The following NRXN3 variants were observed in gnomAD, a reference collection of about 807,000 sequenced individuals.
NRXN3 encodes neurexin 3, also known as neurexin III.
Under a neutral mutation model 137.6 loss-of-function variants are expected in NRXN3, and 32 were observed. The observed-to-expected ratio is 0.23, with a 90% confidence interval of 0.18 to 0.31. The LOEUF (loss-of-function observed/expected upper bound fraction) is 0.31, where lower values mean the gene tolerates loss of function less well. Among genes scored for constraint, NRXN3 ranks in the 10% least tolerant of loss-of-function variants. The pLI, the probability that NRXN3 is intolerant of heterozygous loss-of-function variation, is 1.00. For synonymous variants in NRXN3, 798 were observed against 784.5 expected (o/e 1.02, Z -0.29); for missense variants, 1,574 against 2,062.5 (o/e 0.76, Z 4.59).
In NRXN3 at chr14:79,696,608, C is replaced by A. The variant is rs189865337; in HGVS notation, c.3707-1022C>A. Among the ~76,000 whole-genome samples, 1,311 of 151,938 alleles carry A rather than the reference C, an allele frequency of 8.6e-3. 19 individuals are homozygous for A. Among genetic ancestry groups the A allele is most frequent in the Middle Eastern group, 0.024 (7 of 294 alleles). Reference sequence around the variant, plus strand: ...GTTTGCTTGGGAAAAAAATCTCATACTTGAGAGTTTTATAAGTAGAAAGAG... The same window carrying A: ...GTTTGCTTGGGAAAAAAATCTCATAATTGAGAGTTTTATAAGTAGAAAGAG... On this transcript the variant is annotated intron_variant, in intron 18 of 20. Coordinates refer to ENST00000335750, the MANE Select transcript of NRXN3 (RefSeq NM_001330195.2).
intron 15 of NRXN3, among the ~76,000 whole-genome samples, chr14:79,257,510 AGTG>A (rs2076883760): frequency 1.0e-4 from 1 of 9,542 alleles, no homozygotes. Flanking sequence ...TGGTGGTGGT[AGTG>A]ATGGTGGTGG....
intron 4 of NRXN3, among the ~76,000 whole-genome samples, chr14:78,568,511 C>T (rs981535146): frequency 6.6e-6 from 1 of 152,188 alleles, no homozygotes; most frequent in Non-Finnish European, 1.5e-5. Flanking sequence ...CAGTTTATAG[C>T]TGGAACTGGA....
chr14:79,220,673 A>T (rs536509157), intron 15 of NRXN3, among the ~76,000 whole-genome samples: 86 of 152,168 alleles, frequency 5.7e-4, no homozygotes, highest in African/African-American at 2.0e-3. Flanking sequence ...TTAGAATCAT[A>T]TGGTATGTAG....
At chr14:78,975,479 GAC>G (rs2099461791) in intron 14 of NRXN3, among the ~76,000 whole-genome samples, 1 of 152,202 alleles carries the variant, frequency 6.6e-6, no homozygotes, top group Non-Finnish European at 1.5e-5. Flanking sequence ...GACAGGTAAT[GAC>G]AGACTTTTCC....
At chr14:79,381,082 A>G (rs1415310837) in intron 15 of NRXN3, among the ~76,000 whole-genome samples, 1 of 152,126 alleles carries the variant, frequency 6.6e-6, no homozygotes, top group Admixed American at 6.6e-5. Context: ...ATGTGTCAAC[A>G]GTGTGCTCCA....
intron 15 of NRXN3, among the ~76,000 whole-genome samples, chr14:79,127,316 G>A (rs1412145087): frequency 3.9e-5 from 6 of 152,038 alleles, no homozygotes; most frequent in South Asian, 2.1e-4. Flanking sequence ...TAGTTCTAAC[G>A]TTTAAGTCTT....
At chr14:79,381,976 C>T (rs1246364427) in intron 15 of NRXN3, among the ~76,000 whole-genome samples, 3 of 152,090 alleles carry the variant, frequency 2.0e-5, no homozygotes, top group Admixed American at 6.6e-5. Context: ...TCTGAAGTAG[C>T]CTCTGGTATT....
At chr14:78,235,018 A>ATGTG (rs373370684) in intron 1 of NRXN3, among the ~76,000 whole-genome samples, 40 of 98,014 alleles carry the variant, frequency 4.1e-4, no homozygotes, top group South Asian at 1.0e-3. Context: ...ATATATATAT[A>ATGTG]TATATGTGTA....
chr14:79,829,523 T>C (rs1419154280), intron 20 of NRXN3, among the ~76,000 whole-genome samples: 1 of 152,224 alleles, frequency 6.6e-6, no homozygotes, highest in East Asian at 1.9e-4. Context: ...GCACATTTTA[T>C]GGAGTCAGGA....
At chr14:79,805,485 C>T (rs937353103) in intron 20 of NRXN3, among the ~76,000 whole-genome samples, 14 of 152,036 alleles carry the variant, frequency 9.2e-5, no homozygotes, top group Non-Finnish European at 1.8e-4. Context: ...AGACTTACCA[C>T]TGGAGCAGCA....
At chr14:78,585,914 A>G (rs58031431) in intron 4 of NRXN3, among the ~76,000 whole-genome samples, 2,054 of 152,264 alleles carry the variant, frequency 0.013, 39 homozygotes, top group African/African-American at 0.048. Flanking sequence ...GGATTTGAGA[A>G]TCATTAGCAT....
chr14:79,856,173 G>A (rs1260579015), intron 20 of NRXN3, among the ~76,000 whole-genome samples: 2 of 152,120 alleles, frequency 1.3e-5, no homozygotes, highest in Non-Finnish European at 1.5e-5. Flanking sequence ...TTCTCATCCT[G>A]TTAAAATACA....
chr14:79,696,984 C>T (rs1004237259), intron 18 of NRXN3, among the ~76,000 whole-genome samples: 13 of 151,812 alleles, frequency 8.6e-5, no homozygotes, highest in African/African-American at 2.9e-4. Flanking sequence ...AGGAATTTAT[C>T]TCTCATGATT....
chr14:79,782,959 C>G (rs1227347601), intron 19 of NRXN3, among the ~76,000 whole-genome samples: 1 of 152,164 alleles, frequency 6.6e-6, no homozygotes, highest in East Asian at 1.9e-4. Flanking sequence ...CCTTAAATCT[C>G]TATGTGGCAT....
intron 6 of NRXN3, among the ~76,000 whole-genome samples, chr14:78,705,983 A>T (rs2098343311): frequency 6.6e-6 from 1 of 152,136 alleles, no homozygotes; most frequent in African/African-American, 2.4e-5. Context: ...TCAGTTAGGT[A>T]CCCTTCTCAC....
chr14:79,396,738 A>G (rs1165341587), intron 15 of NRXN3, among the ~76,000 whole-genome samples: 1 of 152,204 alleles, frequency 6.6e-6, no homozygotes, highest in Non-Finnish European at 1.5e-5. Context: ...TTTAATTTAC[A>G]CAAACCAAAG....
chr14:78,887,172 A>G (rs1043897032), intron 10 of NRXN3, among the ~76,000 whole-genome samples: 1 of 152,074 alleles, frequency 6.6e-6, no homozygotes, highest in Non-Finnish European at 1.5e-5. Flanking sequence ...TCTTTTACTC[A>G]TCACATCAGC....
intron 4 of NRXN3, among the ~76,000 whole-genome samples, chr14:78,513,584 A>T (rs1281140854): frequency 6.6e-6 from 1 of 152,186 alleles, no homozygotes; most frequent in East Asian, 1.9e-4. Context: ...GCAGATAAAA[A>T]ATAAATACAT....
At chr14:79,004,111 T>C (rs950698666) in intron 15 of NRXN3, among the ~76,000 whole-genome samples, 1 of 152,194 alleles carries the variant, frequency 6.6e-6, no homozygotes, top group South Asian at 2.1e-4. Flanking sequence ...AGTTAGAATA[T>C]GTAGATAATA....
Sources: gnomAD v4.1 joint callset for allele counts (sites outside exome capture counted in the v4.1 genomes callset) on GRCh38, gnomAD v4.1.1 for gene constraint, MANE v1.5 for transcripts, NCBI Gene and HGNC (gene_info 2026-07-23, HGNC 2026-07-21) for gene names.